Variants in EFTUD2 observed in about 807,000 individuals in gnomAD.
The protein encoded by EFTUD2 is 116 kDa U5 small nuclear ribonucleoprotein component.
A neutral mutation model predicts 114.3 loss-of-function variants in EFTUD2; 9 were observed. The ratio of observed to expected loss-of-function variants is 0.08; its 90% CI spans 0.05 to 0.14. EFTUD2 has a LOEUF of 0.14. Ranked by LOEUF, EFTUD2 falls within the 10% of genes least tolerant of loss-of-function variation. The pLI is 1.00. For synonymous variants in EFTUD2, 449 were observed against 462.3 expected, an observed-to-expected ratio of 0.97 and a Z score of 0.37; for missense variants, 765 against 1,241.2, an observed-to-expected ratio of 0.62 and a Z score of 5.76.
At chr17:44,879,079 T>C (rs1020531796) in intron 9 of EFTUD2, among the ~76,000 whole-genome samples, 15 of 152,248 alleles carry the variant, frequency 9.9e-5, no homozygotes, top group East Asian at 1.9e-4. Context: ...GGCACCCACA[T>C]TGATAATTTT....
chr17:44,861,434 A>G (rs1345473781), intron 16 of EFTUD2, among the ~76,000 whole-genome samples: 21 of 25,302 alleles, frequency 8.3e-4, no homozygotes, highest in South Asian at 3.1e-3. Context: ...GACAGAGAGA[A>G]AAAAAAAAAA....
rs549734411 is a variant in EFTUD2, at chr17:44,898,680, C to A, written c.-5+689G>T. 1.8e-4 allele frequency among the ~76,000 whole-genome samples: 28 copies of A among 152,326 alleles called. 1 individual carries two copies. Among genetic ancestry groups the A allele is most frequent in the African/African-American group, 6.3e-4 (26 of 41,570 alleles). On this transcript the variant is annotated intron_variant, in intron 1 of 27. Coordinates refer to ENST00000426333, the MANE Select transcript of EFTUD2 (RefSeq NM_004247.4). ...AATCAAGTCTCCACTAAAATGTCAT[C>A]TTCTCTGTCACTCTAAAAAGTCCCC...
At chr17:44,859,725 T>TACAC in intron 18 of EFTUD2, 180 bp downstream of exon 18, 1 of 935,398 alleles carries the variant, frequency 1.1e-6, no homozygotes, top group Non-Finnish European at 1.6e-6. Flanking sequence ...CACACACACA[T>TACAC]ACACACACAC....
chr17:44,868,574 AAGCCTCT>A, intron 11 of EFTUD2: 1 of 514,910 alleles, frequency 1.9e-6, no homozygotes, highest in Non-Finnish European at 3.5e-6. Flanking sequence ...ATGAGAACCC[AAGCCTCT>A]CCATCTCCAC....
At chr17:44,893,412 C>T (rs934991669) in intron 2 of EFTUD2, among the ~76,000 whole-genome samples, 14 of 152,144 alleles carry the variant, frequency 9.2e-5, no homozygotes, top group African/African-American at 3.1e-4. Flanking sequence ...TGAGCCACCA[C>T]GCCCGGGCCC....
In EFTUD2 at chr17:44,854,456, A is replaced by C; in HGVS notation, c.2259+100T>G. ...TGCCTGTAAGGGGATACTGTCCTTC[A>C]CCAGAGGACACAAGATACTTTTGGG... On this transcript the variant is annotated intron_variant, in intron 22 of 27. Transcript: ENST00000426333. This position sits in a 1 kb window ranked among gnomAD's most constrained non-coding sequence, Gnocchi z 4.3. 1 of 1,565,248 alleles carries C rather than the reference A, an allele frequency of 6.4e-7. No individual in the cohort carries two copies. The highest frequency in any genetic ancestry group is 2.2e-5 in the East Asian group (1 of 44,474).
intron 23 of EFTUD2, 30 bp from the exon 24 acceptor site, chr17:44,853,665 G>A (rs748722855): frequency 2.5e-6 from 4 of 1,611,848 alleles, no homozygotes; most frequent in Non-Finnish European, 8.5e-7. Context: ...AGTGACTGGG[G>A]AGAGGTTCTG....
At chr17:44,856,998 G>T in intron 20 of EFTUD2, 77 bp downstream of exon 20, 1 of 1,215,588 alleles carries the variant, frequency 8.2e-7, no homozygotes, top group Non-Finnish European at 1.2e-6. Flanking sequence ...TGCTCATGGT[G>T]GGGGTAGAGG....
rs1449259844 is a variant in EFTUD2, at chr17:44,883,637, G to A, written c.426+12C>T. The A allele has an allele frequency of 1.2e-6, 2 of 1,612,382 alleles. No homozygotes were observed. Among genetic ancestry groups the A allele is most frequent in the African/African-American group, 2.7e-5 (2 of 74,870 alleles). Reference sequence around the variant, plus strand: ...GAAATCCTGTTCCAAGTAGCTGAAAGTTCCGTCTTACCTTGCCATGGTGGA... The same window carrying A: ...GAAATCCTGTTCCAAGTAGCTGAAAATTCCGTCTTACCTTGCCATGGTGGA... On this transcript the variant is annotated intron_variant, in intron 5 of 27. Transcript: ENST00000426333.
At chr17:44,872,328 G>A in intron 11 of EFTUD2, 118 bp downstream of exon 11, 1 of 1,332,796 alleles carries the variant, frequency 7.5e-7, no homozygotes, top group Non-Finnish European at 1.1e-6. Flanking sequence ...ATAATAACAG[G>A]TGATAAAATG....
chr17:44,859,371 C>T (rs2050615239), intron 18 of EFTUD2, 190 bp from the exon 19 acceptor site: 1 of 610,006 alleles, frequency 1.6e-6, no homozygotes, highest in African/African-American at 1.8e-5. Flanking sequence ...GACACCAGGA[C>T]CACTCAGCAT....
At chr17:44,855,025 T>G in intron 20 of EFTUD2, 21 bp from the exon 21 acceptor site, 1 of 1,604,696 alleles carries the variant, frequency 6.2e-7, no homozygotes, top group Non-Finnish European at 8.5e-7. Context: ...TGGAAATGGG[T>G]GGTAAGGACG....
intron 4 of EFTUD2, 187 bp from the exon 5 acceptor site, chr17:44,883,911 AG>A: frequency 3.3e-6 from 2 of 606,584 alleles, no homozygotes; most frequent in Middle Eastern, 3.8e-4. Context: ...CTTATCCAAG[AG>A]GTAACACAAT....
chr17:44,895,244 C>A (rs1410876350), intron 1 of EFTUD2, among the ~76,000 whole-genome samples: 1 of 152,232 alleles, frequency 6.6e-6, no homozygotes, highest in Non-Finnish European at 1.5e-5. Context: ...GCCTGTAATA[C>A]CAGCACTTTG....
chr17:44,885,389 CG>C (rs2051150059), intron 3 of EFTUD2, 55 bp from the exon 4 acceptor site: 1 of 1,184,268 alleles, frequency 8.4e-7, no homozygotes, highest in African/African-American at 1.5e-5. Context: ...CATAAAAATA[CG>C]GAACACTATT....
At position 44,850,200 on chromosome 17, in the gene EFTUD2, T is replaced by A; in HGVS notation, c.*1074A>T. On this transcript the variant is annotated 3_prime_UTR_variant, in exon 28 of 28. Transcript: ENST00000426333. ...GATGCTTGAAGCAGCTGTTGGGACCTGGGGCAGAAAGATGAGCGGGAAGCT... is the reference window on the plus strand; with the variant it reads ...GATGCTTGAAGCAGCTGTTGGGACCAGGGGCAGAAAGATGAGCGGGAAGCT... The A allele has an allele frequency of 4.6e-6, 3 of 648,952 alleles. No homozygotes were observed. Among genetic ancestry groups the A allele is most frequent in the Non-Finnish European group, 5.4e-6 (2 of 372,670 alleles). The allele number at this position is 648,952 out of a possible 1,614,324, so 40.2% of individuals were successfully genotyped here.
intron 15 of EFTUD2, 69 bp downstream of exon 15, chr17:44,863,583 GACC>G: frequency 6.4e-7 from 1 of 1,561,970 alleles, no homozygotes. Flanking sequence ...TTACTCCTGT[GACC>G]AGAAATCAGT....
At chr17:44,851,944 T>G in intron 26 of EFTUD2, 127 bp from the exon 27 acceptor site, 3 of 862,954 alleles carry the variant, frequency 3.5e-6, no homozygotes, top group Non-Finnish European at 5.1e-6. Flanking sequence ...TGAGATGGAG[T>G]TTCGCTCTTG....
chr17:44,893,883 T>C (rs539243897), intron 2 of EFTUD2, among the ~76,000 whole-genome samples: 5 of 149,802 alleles, frequency 3.3e-5, no homozygotes, highest in South Asian at 2.1e-4. Flanking sequence ...CTGGACAACA[T>C]AGTGAAACCC....
Sources: allele counts gnomAD v4.1 joint callset (sites outside exome capture counted in the v4.1 genomes callset), GRCh38; gene constraint gnomAD v4.1.1; non-coding constraint Gnocchi (gnomAD v3.1); transcripts MANE v1.5; gene names NCBI Gene and HGNC (gene_info 2026-07-23, HGNC 2026-07-21).